Variants in HYAL1 observed in about 807,000 individuals in gnomAD.
The protein encoded by HYAL1 is hyaluronidase-1.
Under a neutral mutation model 28.8 loss-of-function variants are expected in HYAL1, and 21 were observed. That is an observed-to-expected ratio of 0.73 (90% CI 0.52 to 1.05). The LOEUF is 1.05. Among genes scored for constraint, HYAL1 ranks in the 50% least tolerant of loss-of-function variants. The probability of loss-of-function intolerance (pLI) is 0.00; values close to 1 mark genes in which losing one functional copy is unlikely to be tolerated. For synonymous variants in HYAL1, 200 were observed against 230.1 expected (o/e 0.87, Z 1.18); for missense variants, 491 against 579.2 (o/e 0.85, Z 1.56).
chr3:50,305,798 T>G (rs1702325773), upstream of HYAL1, among the ~76,000 whole-genome samples: 1 of 151,244 alleles, frequency 6.6e-6, no homozygotes, highest in Non-Finnish European at 1.5e-5. Flanking sequence ...CCTCCCAAAG[T>G]GCTGGGATTA....
intron 1 of HYAL1, among the ~76,000 whole-genome samples, chr3:50,311,840 G>C: frequency 6.8e-6 from 1 of 148,002 alleles, no homozygotes; most frequent in South Asian, 2.1e-4. Flanking sequence ...CTGGCCAGGC[G>C]GGGGGCTGAC....
chr3:50,301,712 G>A (rs587665374), intron 2 of HYAL1, among the ~76,000 whole-genome samples: 4 of 152,268 alleles, frequency 2.6e-5, no homozygotes, highest in Non-Finnish European at 5.9e-5. Flanking sequence ...CAGCACTTTG[G>A]GAGGCCGAGG....
At chr3:50,303,307 GC>G in intron 1 of HYAL1, 158 bp downstream of exon 1, 1 of 201,704 alleles carries the variant, frequency 5.0e-6, no homozygotes, top group Non-Finnish European at 1.0e-5. Flanking sequence ...CAGGCCCTCA[GC>G]CCCCAGGCTG....
intron 2 of HYAL1, among the ~76,000 whole-genome samples, chr3:50,308,609 G>A (rs587720425): frequency 8.8e-4 from 133 of 150,628 alleles, no homozygotes; most frequent in Non-Finnish European, 6.3e-4. Flanking sequence ...CACCGCGCCC[G>A]GCTAATTTTT....
At position 50,302,324 on chromosome 3, in the gene HYAL1, G is replaced by A. The variant is rs782758646; in HGVS notation, c.633C>T (p.Asp211=). ...FYGFPDCYNY[D]FLSPNYTGQC... The stretch of plus-strand genomic sequence containing the variant: ...GGCCGGTGTAGTTGGGGCTTAGAAA[G>A]TCATAGTTGTAGCAGTCAGGGAAGC... Residue 211 remains aspartate, a synonymous_variant, in exon 2 of 4, where the codon GAC becomes GAT. Coordinates refer to ENST00000395144, the MANE Select transcript of HYAL1 (RefSeq NM_033159.4). The surrounding 1 kb of genome is among the most constrained non-coding windows in gnomAD (Gnocchi z 5.0). The A allele has an allele frequency of 6.2e-7, 1 of 1,613,402 alleles. No individual in the cohort carries two copies. Among genetic ancestry groups the A allele is most frequent in the African/African-American group, 1.3e-5 (1 of 74,932 alleles).
rs587672526 is a variant in HYAL1, at chr3:50,300,961, C to T, written c.990+27G>A. 2.8e-5 allele frequency: 15 copies of T among 543,204 alleles called. 1 individual carries two copies. The highest frequency in any genetic ancestry group is 2.6e-4 in the African/African-American group (13 of 49,088). 33.6% of individuals were successfully genotyped at this position (543,204 alleles called of 1,614,324 possible). On this transcript the variant is annotated intron_variant, in intron 3 of 3. Transcript: ENST00000395144. ...TAATGGCCCCACCCCTCCCCCACCC[C>T]CACCCTCATGCCAGGCCTAAGCTCA...
At chr3:50,306,844 C>G (rs1444441958), upstream of HYAL1, among the ~76,000 whole-genome samples, 1 of 150,528 alleles carries the variant, frequency 6.6e-6, no homozygotes, top group African/African-American at 2.5e-5. Context: ...CGAGATCATG[C>G]TACTGTTACT....
At position 50,300,409 on chromosome 3, in the gene HYAL1, A is replaced by G; in HGVS notation, c.*74T>C. 1 of 1,420,444 alleles carries G rather than the reference A, an allele frequency of 7.0e-7. No homozygotes were observed. The highest frequency in any genetic ancestry group is 9.9e-7 in the Non-Finnish European group (1 of 1,005,158). The allele number at this position is 1,420,444 out of a possible 1,614,324, so 88.0% of individuals were successfully genotyped here. ...GTGACCATGACTTGTATGACTGTGC[A>G]TGTATTTGAGGAAGCCCTGGCCAGA... is the stretch of plus-strand genomic sequence containing the variant. On this transcript the variant is annotated 3_prime_UTR_variant, in exon 4 of 4. Transcript: ENST00000395144.
chr3:50,303,045 T>TG, intron 1 of HYAL1, 65 bp from the exon 2 acceptor site: 1 of 1,267,842 alleles, frequency 7.9e-7, no homozygotes, highest in Non-Finnish European at 1.1e-6. Context: ...TGCTCAGGGC[T>TG]GGGGGGCTGA....
At chr3:50,307,111 T>A (rs1388089034), upstream of HYAL1, among the ~76,000 whole-genome samples, 2 of 145,174 alleles carry the variant, frequency 1.4e-5, 1 homozygote, top group Admixed American at 1.4e-4. Context: ...TCACACATAA[T>A]CCTAGCACTT....
chr3:50,311,908 C>G (rs587761264), intron 1 of HYAL1, among the ~76,000 whole-genome samples: 6 of 148,498 alleles, frequency 4.0e-5, no homozygotes, highest in South Asian at 4.2e-4. Context: ...ATCCCCCCTC[C>G]CCTCACGGAT....
At chr3:50,304,753 T>G (rs1309746080), upstream of HYAL1, among the ~76,000 whole-genome samples, 1 of 152,066 alleles carries the variant, frequency 6.6e-6, no homozygotes, top group East Asian at 1.9e-4. Context: ...GTATATGTGC[T>G]GGGTTAGTGA....
chr3:50,309,480 AAG>A (rs1702404783), intron 2 of HYAL1, among the ~76,000 whole-genome samples: 1 of 150,904 alleles, frequency 6.6e-6, no homozygotes, highest in African/African-American at 2.5e-5. Context: ...AAAAAAAAAA[AAG>A]AATCTGTTTT....
chr3:50,300,411 G>C lies in HYAL1; in HGVS notation c.*72C>G. Reference sequence around the variant, plus strand: ...GACCATGACTTGTATGACTGTGCATGTATTTGAGGAAGCCCTGGCCAGACC... The same window carrying C: ...GACCATGACTTGTATGACTGTGCATCTATTTGAGGAAGCCCTGGCCAGACC... On this transcript the variant is annotated 3_prime_UTR_variant, in exon 4 of 4. Coordinates refer to ENST00000395144, the MANE Select transcript of HYAL1 (RefSeq NM_033159.4). 1 of 1,441,156 alleles carries C rather than the reference G, an allele frequency of 6.9e-7. No individual in the cohort carries two copies. The highest frequency in any genetic ancestry group is 9.8e-7 in the Non-Finnish European group (1 of 1,023,822). The allele number at this position is 1,441,156 out of a possible 1,614,324, so 89.3% of individuals were successfully genotyped here.
At chr3:50,311,369 C>G (rs1702447907) in intron 1 of HYAL1, among the ~76,000 whole-genome samples, 3 of 141,600 alleles carry the variant, frequency 2.1e-5, no homozygotes, top group Non-Finnish European at 3.1e-5. Context: ...AGAGGGGCTC[C>G]TCACTTCCCA....
upstream of HYAL1, among the ~76,000 whole-genome samples, chr3:50,305,121 C>G (rs151241807): frequency 1.3e-3 from 204 of 152,344 alleles, 3 homozygotes; most frequent in East Asian, 0.036. Context: ...GAAAGACTAC[C>G]AGAAACTCAA....
At position 50,302,947 on chromosome 3, in the gene HYAL1, G is replaced by A. The variant is rs1702232507; in HGVS notation, c.10C>T (p.His4Tyr). Residue 4 changes from histidine to tyrosine, a missense_variant, in exon 2 of 4, where the codon CAC becomes TAC. His to Tyr is a moderately conservative substitution (Grantham distance 83). Transcript: ENST00000395144. The surrounding 1 kb of genome is among the most constrained non-coding windows in gnomAD (Gnocchi z 5.0). ...AAGAGGGCGCAGATGGGAAGCAGGTGGGCTGCCATGGCACGGGACTGGTCG... is the reference window on the plus strand; with the variant it reads ...AAGAGGGCGCAGATGGGAAGCAGGTAGGCTGCCATGGCACGGGACTGGTCG... MAA[H>Y]LLPICALFLT... 6.4e-7 allele frequency: 1 copy of A among 1,568,066 alleles called. No individual in the cohort carries two copies. Among genetic ancestry groups the A allele is most frequent in the Admixed American group, 1.8e-5 (1 of 56,392 alleles).
chr3:50,307,958 C>A (rs1702368439), upstream of HYAL1, among the ~76,000 whole-genome samples: 1 of 150,162 alleles, frequency 6.7e-6, no homozygotes, highest in Admixed American at 6.6e-5. Flanking sequence ...TCATGCCTGG[C>A]TAATTTTTTT....
intron 1 of HYAL1, among the ~76,000 whole-genome samples, chr3:50,311,740 C>T (rs1273526255): frequency 1.4e-5 from 2 of 143,538 alleles, no homozygotes; most frequent in African/African-American, 2.6e-5. Context: ...ACCTCCCTCA[C>T]GGACGGGGCG....
Sources: gnomAD v4.1 joint callset for allele counts (sites outside exome capture counted in the v4.1 genomes callset) on GRCh38, gnomAD v4.1.1 for gene constraint, Gnocchi (gnomAD v3.1) non-coding constraint, MANE v1.5 for transcripts, NCBI Gene and HGNC (gene_info 2026-07-23, HGNC 2026-07-21) for gene names.